Variants in DMD observed in about 807,000 individuals in gnomAD.
DMD encodes the protein dystrophin.
A neutral mutation model predicts 330.1 loss-of-function variants in DMD; 63 were observed. The ratio of observed to expected loss-of-function variants is 0.19; its 90% CI spans 0.16 to 0.24. DMD has a LOEUF of 0.24. Among genes scored for constraint, DMD ranks in the 10% least tolerant of loss-of-function variants. The probability of loss-of-function intolerance (pLI) is 1.00; values close to 1 mark genes in which losing one functional copy is unlikely to be tolerated. For missense variants in DMD, 3,344 were observed against 2,684.1 expected (o/e 1.25, Z -5.43); for synonymous variants, 1,223 against 959.8 (o/e 1.27, Z -5.07).
intron 62 of DMD, among the ~76,000 whole-genome samples, chrX:31,322,290 A>AAATATACAGTGGATGTAAGGT (rs1194542189): frequency 2.7e-5 from 3 of 111,915 alleles, no homozygotes; most frequent in African/African-American, 9.7e-5. Context: ...TTGTTCCATA[A>AAATATACAGTGGATGTAAGGT]AATATACAGT....
intron 48 of DMD, among the ~76,000 whole-genome samples, chrX:31,861,651 T>A (rs2093701709): frequency 1.0e-5 from 1 of 99,160 alleles, no homozygotes; most frequent in Non-Finnish European, 2.0e-5. Flanking sequence ...TGTGTGTGTG[T>A]GTGTGTGTGT....
intron 17 of DMD, among the ~76,000 whole-genome samples, chrX:32,538,615 A>G (rs1269383460): frequency 9.0e-6 from 1 of 111,363 alleles, no homozygotes; most frequent in African/African-American, 3.3e-5. Flanking sequence ...GGGCTGTCAT[A>G]AGGAAAGAGA....
chrX:33,311,214 A>G (rs2053843818), intron 1 of DMD, among the ~76,000 whole-genome samples: 1 of 109,517 alleles, frequency 9.1e-6, no homozygotes, highest in African/African-American at 3.3e-5. Context: ...CTTAACTATA[A>G]TATATATATA....
At chrX:32,039,325 A>AAG (rs2095979500) in intron 44 of DMD, among the ~76,000 whole-genome samples, 1 of 111,658 alleles carries the variant, frequency 9.0e-6, no homozygotes, top group Non-Finnish European at 1.9e-5. Flanking sequence ...CGAGGGCACA[A>AAG]AGAGAACAAA....
At chrX:33,196,812 G>A (rs2050964008) in intron 1 of DMD, among the ~76,000 whole-genome samples, 2 of 110,841 alleles carry the variant, frequency 1.8e-5, no homozygotes, top group African/African-American at 6.6e-5. Context: ...AATATGGTAG[G>A]CTCTCAATTA....
intron 7 of DMD, among the ~76,000 whole-genome samples, chrX:32,739,038 T>C (rs921046508): frequency 1.4e-4 from 16 of 112,124 alleles, no homozygotes; most frequent in African/African-American, 5.2e-4. Flanking sequence ...ATGGTTATAA[T>C]GGCTCAAAAC....
intron 9 of DMD, among the ~76,000 whole-genome samples, chrX:32,661,009 C>G (rs562086818): frequency 9.0e-6 from 1 of 111,198 alleles, no homozygotes. Flanking sequence ...ATTATGCATC[C>G]TATTAAGGAT....
intron 12 of DMD, among the ~76,000 whole-genome samples, chrX:32,597,448 TTGTTCC>T (rs1229003700): frequency 5.4e-5 from 6 of 111,510 alleles, no homozygotes; most frequent in African/African-American, 2.0e-4. Context: ...ACAGATGAGT[TTGTTCC>T]TTCCTGATTG....
chrX:32,433,538 C>T (rs1225382467), intron 29 of DMD, among the ~76,000 whole-genome samples: 4 of 111,486 alleles, frequency 3.6e-5, no homozygotes, highest in Non-Finnish European at 7.5e-5. Context: ...ATTAGCCTGG[C>T]GTAGTGGCAT....
In DMD at chrX:31,527,894, CTT is replaced by C. The variant is rs766717554; in HGVS notation, c.8218-20443_8218-20442del. Among the ~76,000 whole-genome samples, 444 of 111,839 alleles carry C rather than the reference CTT, an allele frequency of 4.0e-3. 2 individuals are homozygous for C. The highest frequency in any genetic ancestry group is 5.4e-3 in the Non-Finnish European group (287 of 53,151). On this transcript the variant is annotated intron_variant, in intron 55 of 78. Transcript: ENST00000357033. ...ACCTGCTACTTTAGCCTTTCCAAAA[CTT>C]TGATATGTGTCTAACGTACCTAGAG...
At chrX:32,793,804 T>C (rs1380713419) in intron 7 of DMD, among the ~76,000 whole-genome samples, 1 of 111,451 alleles carries the variant, frequency 9.0e-6, no homozygotes, top group Non-Finnish European at 1.9e-5. Flanking sequence ...CCAGATGTCT[T>C]TACTGCTGAA....
chrX:32,396,374 T>A (rs765619371), intron 30 of DMD, among the ~76,000 whole-genome samples: 6 of 111,805 alleles, frequency 5.4e-5, no homozygotes, highest in East Asian at 2.8e-4. Context: ...ACTTTTATCA[T>A]AATGTATAGG....
chrX:31,321,583 CAAAAA>C (rs1190446358), intron 62 of DMD, among the ~76,000 whole-genome samples: 1 of 10,472 alleles, frequency 9.5e-5, no homozygotes, highest in Non-Finnish European at 1.5e-4. Flanking sequence ...AACTCCATCT[CAAAAA>C]AAAAAAAAAA....
intron 2 of DMD, among the ~76,000 whole-genome samples, chrX:33,006,678 C>T (rs988795854): frequency 9.0e-6 from 1 of 111,413 alleles, no homozygotes; most frequent in Non-Finnish European, 1.9e-5. Flanking sequence ...CTTGTATCAT[C>T]TCTCATTGTT....
At chrX:32,434,959 C>T (rs143510083) in intron 29 of DMD, among the ~76,000 whole-genome samples, 2 of 110,040 alleles carry the variant, frequency 1.8e-5, no homozygotes, top group East Asian at 5.8e-4. Flanking sequence ...TTATTACTGG[C>T]CAAATATGTA....
chrX:32,681,581 C>A (rs1265622413), intron 9 of DMD, among the ~76,000 whole-genome samples: 1 of 111,676 alleles, frequency 9.0e-6, no homozygotes, highest in Non-Finnish European at 1.9e-5. Context: ...ATTAGATTCA[C>A]GGGCAGCTGC....
At chrX:31,375,861 GT>G (rs34801788) in intron 60 of DMD, among the ~76,000 whole-genome samples, 6,746 of 111,483 alleles carry the variant, frequency 0.061, 158 homozygotes, top group Middle Eastern at 0.11. Flanking sequence ...TACATTATGT[GT>G]TTTTACCACA....
chrX:32,570,736 T>C (rs922027786), intron 15 of DMD, among the ~76,000 whole-genome samples: 9 of 111,179 alleles, frequency 8.1e-5, no homozygotes, highest in African/African-American at 2.9e-4. Flanking sequence ...ACAAACTGAG[T>C]AGATGGTCCT....
intron 1 of DMD, among the ~76,000 whole-genome samples, chrX:33,028,716 T>C (rs1396151398): frequency 1.8e-5 from 2 of 112,605 alleles, no homozygotes; most frequent in Non-Finnish European, 3.8e-5. Context: ...TTCTGATATA[T>C]ACATATGTGT....
Sources: allele counts gnomAD v4.1 joint callset (sites outside exome capture counted in the v4.1 genomes callset), GRCh38; gene constraint gnomAD v4.1.1; transcripts MANE v1.5; gene names NCBI Gene and HGNC (gene_info 2026-07-23, HGNC 2026-07-21).